Variants in TIGAR observed in about 807,000 individuals in gnomAD.
TIGAR encodes the protein TP53 induced glycolysis regulatory phosphatase.
A neutral mutation model predicts 17.9 loss-of-function variants in TIGAR; 7 were observed. That is an observed-to-expected ratio of 0.39 (90% CI 0.22 to 0.73). The LOEUF is 0.73. Ranked by LOEUF, TIGAR falls within the 30% of genes least tolerant of loss-of-function variation. TIGAR has a pLI of 0.42. For missense variants in TIGAR, 258 were observed against 327.4 expected, an observed-to-expected ratio of 0.79 and a Z score of 1.64; for synonymous variants, 94 against 108.6, an observed-to-expected ratio of 0.87 and a Z score of 0.84.
In TIGAR at chr12:4,357,199, A is replaced by G. The variant is rs943231741; in HGVS notation, c.*4508A>G. On this transcript the variant is annotated 3_prime_UTR_variant, in exon 6 of 6. Coordinates refer to ENST00000179259, the MANE Select transcript of TIGAR (RefSeq NM_020375.3). Reference sequence around the variant, plus strand: ...ATATCACTTAAGTACATATGCTTATATTATGTATACTTGCATGCATATTAC... The same window carrying G: ...ATATCACTTAAGTACATATGCTTATGTTATGTATACTTGCATGCATATTAC... 1.3e-5 allele frequency among the ~76,000 whole-genome samples: 2 copies of G among 152,242 alleles called. No individual in the cohort carries two copies. The highest frequency in any genetic ancestry group is 4.8e-5 in the African/African-American group (2 of 41,460).
chr12:4,336,871 A>G (rs4765778), intron 2 of TIGAR, among the ~76,000 whole-genome samples, 168 bp from the exon 3 acceptor site: 1 of 152,188 alleles, frequency 6.6e-6, no homozygotes, highest in Admixed American at 6.5e-5. Context: ...TAAAGACTTA[A>G]AACTTATTTT....
At chr12:4,324,722 A>T in intron 1 of TIGAR, 2 of 674,890 alleles carry the variant, frequency 3.0e-6, no homozygotes, top group South Asian at 1.5e-5. Flanking sequence ...AGCTGCTCGC[A>T]GGACACGTCC....
intron 3 of TIGAR, among the ~76,000 whole-genome samples, chr12:4,341,728 A>AC (rs1591663378): frequency 6.6e-6 from 1 of 152,070 alleles, no homozygotes; most frequent in Admixed American, 6.6e-5. Flanking sequence ...CCATACCAAA[A>AC]CCCCATCTGT....
intron 3 of TIGAR, among the ~76,000 whole-genome samples, chr12:4,345,163 C>A (rs1369152573): frequency 1.3e-5 from 2 of 152,138 alleles, no homozygotes; most frequent in Non-Finnish European, 2.9e-5. Flanking sequence ...GAATCAATAT[C>A]ATGAAAATGG....
chr12:4,328,849 A>G (rs1864574579), intron 1 of TIGAR, among the ~76,000 whole-genome samples: 1 of 152,204 alleles, frequency 6.6e-6, no homozygotes, highest in South Asian at 2.1e-4. Flanking sequence ...TGCTGGGATT[A>G]CAGGCGTGAG....
At chr12:4,327,270 G>A (rs957925415) in intron 1 of TIGAR, among the ~76,000 whole-genome samples, 3 of 152,096 alleles carry the variant, frequency 2.0e-5, no homozygotes, top group African/African-American at 7.2e-5. Flanking sequence ...TTAGCTGAGC[G>A]TGGTGGCGCT....
chr12:4,323,440 T>C (rs1056752229), intron 1 of TIGAR, among the ~76,000 whole-genome samples: 2 of 152,194 alleles, frequency 1.3e-5, no homozygotes, highest in Non-Finnish European at 2.9e-5. Context: ...GAGGCCCTCA[T>C]AGGAATCATT....
At chr12:4,336,456 A>G (rs1209385246) in intron 2 of TIGAR, among the ~76,000 whole-genome samples, 241 of 97,272 alleles carry the variant, frequency 2.5e-3, no homozygotes, top group East Asian at 7.6e-3. Context: ...GCACACACAC[A>G]CACACACACA....
At chr12:4,349,951 C>G (rs911211453) in intron 4 of TIGAR, 55 bp downstream of exon 4, 1 of 1,241,728 alleles carries the variant, frequency 8.1e-7, no homozygotes, top group Admixed American at 2.7e-5. Flanking sequence ...TAAGCCACCT[C>G]AGTTTGTCAC....
intron 3 of TIGAR, among the ~76,000 whole-genome samples, 165 bp downstream of exon 3, chr12:4,337,325 C>T (rs572371588): frequency 3.9e-5 from 6 of 152,294 alleles, no homozygotes; most frequent in African/African-American, 1.4e-4. Context: ...GCCACCACAC[C>T]TAGCTAATTT....
At position 4,332,238 on chromosome 12, in the gene TIGAR, CT is replaced by C. The variant is rs777711454; in HGVS notation, c.70+943del. Among the ~76,000 whole-genome samples the C allele has an allele frequency of 6.9e-3, 660 of 95,310 alleles. 2 individuals are homozygous for C. Among genetic ancestry groups the C allele is most frequent in the African/African-American group, 0.022 (554 of 24,792 alleles). The allele number at this position is 95,310 out of a possible 152,430, so 62.5% of individuals were successfully genotyped here. On this transcript the variant is annotated intron_variant, in intron 2 of 5. Transcript: ENST00000179259. ...ATAAGCATTCAAGGCTCATGTATTT[CT>C]TTTTTTTTTTTTTTTTTTTTTGAGT...
intron 2 of TIGAR, among the ~76,000 whole-genome samples, chr12:4,336,352 T>C (rs368122075): frequency 6.6e-6 from 1 of 152,040 alleles, no homozygotes; most frequent in East Asian, 1.9e-4. Flanking sequence ...TTCATTTTTT[T>C]CATGTCGGTA....
chr12:4,333,294 CTT>C (rs34834660), intron 2 of TIGAR, among the ~76,000 whole-genome samples: 4 of 142,978 alleles, frequency 2.8e-5, no homozygotes, highest in African/African-American at 2.6e-5. Flanking sequence ...TATAAGTTGT[CTT>C]TTTTTTTTTT....
rs1240916403 is a variant in TIGAR, at chr12:4,357,981, G to A, written c.*5290G>A. On this transcript the variant is annotated 3_prime_UTR_variant, in exon 6 of 6. Coordinates refer to ENST00000179259, the MANE Select transcript of TIGAR (RefSeq NM_020375.3). ...TAGCCAGGCCTGGTGGCCGGCGCCTGTAGTCCCAGCTACTTGGGAGGCTGA... is the reference window on the plus strand; with the variant it reads ...TAGCCAGGCCTGGTGGCCGGCGCCTATAGTCCCAGCTACTTGGGAGGCTGA... Among the ~76,000 whole-genome samples, 1 of 151,860 alleles carries A rather than the reference G, an allele frequency of 6.6e-6. No homozygotes were observed. The highest frequency in any genetic ancestry group is 1.5e-5 in the Non-Finnish European group (1 of 68,002).
chr12:4,336,494 A>T (rs538114520), intron 2 of TIGAR, among the ~76,000 whole-genome samples: 31 of 137,742 alleles, frequency 2.3e-4, no homozygotes, highest in Admixed American at 1.6e-3. Flanking sequence ...ACACACACAC[A>T]CTCACACACA....
chr12:4,341,274 A>G (rs112270344), intron 3 of TIGAR, among the ~76,000 whole-genome samples: 1 of 77,154 alleles, frequency 1.3e-5, no homozygotes, highest in Non-Finnish European at 3.7e-5. Context: ...AATGACAAAG[A>G]GAGGGGGGGC....
In TIGAR at chr12:4,346,524, G is replaced by A. The variant is rs535535348; in HGVS notation, c.193-3295G>A. On this transcript the variant is annotated intron_variant, in intron 3 of 5. Coordinates refer to ENST00000179259, the MANE Select transcript of TIGAR (RefSeq NM_020375.3). ...GCAAGGACAAAAAACCAAACACCGC[G>A]TTTTCTCACTCGTAGGTGGGAATTG... 1.5e-4 allele frequency among the ~76,000 whole-genome samples: 23 copies of A among 151,746 alleles called. No homozygotes were observed. In the South Asian group the frequency reaches 2.5e-3, roughly 16 times the overall value.
chr12:4,324,942 CTTTT>C, intron 1 of TIGAR: 3 of 190,226 alleles, frequency 1.6e-5, no homozygotes, highest in Non-Finnish European at 3.2e-5. Flanking sequence ...TTTGTTTTTG[CTTTT>C]TTTTTTTTTT....
chr12:4,333,564 G>A (rs186286302), intron 2 of TIGAR, among the ~76,000 whole-genome samples: 171 of 152,272 alleles, frequency 1.1e-3, no homozygotes, highest in African/African-American at 3.9e-3. Flanking sequence ...CACCTCCCGG[G>A]TTCAAGCGAT....
Sources: gnomAD v4.1 joint callset for allele counts (sites outside exome capture counted in the v4.1 genomes callset) on GRCh38, gnomAD v4.1.1 for gene constraint, MANE v1.5 for transcripts, NCBI Gene and HGNC (gene_info 2026-07-23, HGNC 2026-07-21) for gene names.